MCF2: variants seen among roughly 807,000 people sequenced by gnomAD.
The protein encoded by MCF2 is proto-oncogene DBL.
Under a neutral mutation model 82.5 loss-of-function variants are expected in MCF2, and 44 were observed. The ratio of observed to expected loss-of-function variants is 0.53; its 90% CI spans 0.42 to 0.69. MCF2 has a LOEUF of 0.69. MCF2 is among the 30% of genes least tolerant of loss of function. The pLI, the probability that MCF2 is intolerant of heterozygous loss-of-function variation, is 0.00. For synonymous variants in MCF2, 217 were observed against 224.9 expected, an observed-to-expected ratio of 0.96 and a Z score of 0.32; for missense variants, 623 against 663.1, an observed-to-expected ratio of 0.94 and a Z score of 0.66.
intron 1 of MCF2, among the ~76,000 whole-genome samples, chrX:139,636,215 G>A (rs1933210616): frequency 9.0e-6 from 1 of 110,884 alleles, no homozygotes; most frequent in South Asian, 3.8e-4. Flanking sequence ...CTATTTTTAA[G>A]TGGAAAGCAC....
chrX:139,690,208 A>G (rs1317466350), intron 1 of MCF2, among the ~76,000 whole-genome samples: 1 of 99,880 alleles, frequency 1.0e-5, no homozygotes, highest in Non-Finnish European at 2.0e-5. Context: ...GGAGCCTTCA[A>G]AAGTGTGAAC....
intron 11 of MCF2, among the ~76,000 whole-genome samples, chrX:139,609,299 CTT>C (rs1376151798): frequency 2.7e-5 from 3 of 112,698 alleles, no homozygotes; most frequent in Non-Finnish European, 5.6e-5. Context: ...AATCCCAACA[CTT>C]TGGGAGACCA....
At chrX:139,585,305 A>G (rs1928853304) in intron 23 of MCF2, 127 bp from the exon 28 acceptor site, 3 of 451,293 alleles carry the variant, frequency 6.6e-6, no homozygotes, top group African/African-American at 2.5e-5. Flanking sequence ...ATCTAATGTA[A>G]GCAGCAAATT....
upstream of MCF2, among the ~76,000 whole-genome samples, chrX:139,647,794 T>C (rs1025112153): frequency 8.9e-6 from 1 of 111,875 alleles, no homozygotes; most frequent in Non-Finnish European, 1.9e-5. Flanking sequence ...ATGAGAAATA[T>C]TGAAAACGAA....
At chrX:139,622,289 A>C (rs1480202124) in intron 6 of MCF2, among the ~76,000 whole-genome samples, 1 of 111,828 alleles carries the variant, frequency 8.9e-6, no homozygotes, top group Non-Finnish European at 1.9e-5. Flanking sequence ...GTGGGACTGT[A>C]AACTAGTTCA....
At chrX:139,605,972 T>C (rs1014913922) in intron 12 of MCF2, among the ~76,000 whole-genome samples, 193 bp from the exon 17 acceptor site, 3 of 106,221 alleles carry the variant, frequency 2.8e-5, no homozygotes. Flanking sequence ...TATAGTCTTA[T>C]GGGTGGTTTT....
At chrX:139,590,480 A>T (rs1476854478) in intron 19 of MCF2, among the ~76,000 whole-genome samples, 2 of 108,927 alleles carry the variant, frequency 1.8e-5, no homozygotes, top group Non-Finnish European at 3.8e-5. Context: ...AAAAAAAAAT[A>T]ATAATAATAA....
chrX:139,645,910 G>T (rs1205703731), upstream of MCF2, among the ~76,000 whole-genome samples: 2 of 111,365 alleles, frequency 1.8e-5, no homozygotes, highest in Non-Finnish European at 3.8e-5. Context: ...GTGTAATGAA[G>T]ATAGGTCACT....
chrX:139,644,089 C>G (rs1933709820), upstream of MCF2, among the ~76,000 whole-genome samples: 1 of 112,312 alleles, frequency 8.9e-6, no homozygotes, highest in African/African-American at 3.2e-5. Flanking sequence ...TTTAGCCCCA[C>G]TGATAAGGCT....
At chrX:139,619,778 G>T in intron 6 of MCF2, 72 bp from the exon 10 acceptor site, 2 of 807,986 alleles carry the variant, frequency 2.5e-6, no homozygotes, top group Non-Finnish European at 3.4e-6. Flanking sequence ...TATACAAAAT[G>T]CTTTTAAACA....
chrX:139,653,912 G>C (rs990813526), intron 1 of MCF2, among the ~76,000 whole-genome samples: 2 of 110,601 alleles, frequency 1.8e-5, no homozygotes, highest in Non-Finnish European at 3.8e-5. Flanking sequence ...TTCTGTGTTT[G>C]GCTTACTTCA....
At position 139,674,851 on chromosome X, in the gene MCF2, T is replaced by G. The variant is rs1036707849; in HGVS notation, c.-44-23063A>C. Among the ~76,000 whole-genome samples the G allele has an allele frequency of 3.6e-5, 4 of 112,019 alleles. No homozygotes were observed. In the Admixed American group the frequency reaches 3.8e-4, roughly 11 times the overall value. ...TCTTTGTGGTGTTCTCTGTATTTCC[T>G]GAATTTGAATGTTGGCCTGCCTTGC... On this transcript the variant is annotated intron_variant, in intron 1 of 27. Transcript: ENST00000414978.
At chrX:139,606,450 C>G (rs1395471268) in intron 12 of MCF2, among the ~76,000 whole-genome samples, 1 of 110,580 alleles carries the variant, frequency 9.0e-6, no homozygotes, top group Non-Finnish European at 1.9e-5. Flanking sequence ...CTCCACCTCC[C>G]GGGTTCAAGA....
intron 1 of MCF2, among the ~76,000 whole-genome samples, chrX:139,689,364 C>T (rs1170229119): frequency 8.9e-6 from 1 of 111,880 alleles, no homozygotes; most frequent in Non-Finnish European, 1.9e-5. Flanking sequence ...GTAAGGGCAT[C>T]ATTCCTGGTG....
intron 23 of MCF2, among the ~76,000 whole-genome samples, chrX:139,585,638 A>G (rs1433528618): frequency 8.9e-6 from 1 of 111,849 alleles, no homozygotes; most frequent in African/African-American, 3.2e-5. Flanking sequence ...TTGATCCTAG[A>G]GTTGTTTAGG....
At chrX:139,605,577 A>G (rs1949714728) in intron 13 of MCF2, 136 bp downstream of exon 17, 1 of 473,469 alleles carries the variant, frequency 2.1e-6, no homozygotes, top group African/African-American at 2.5e-5. Context: ...TCAAACAATA[A>G]AAGAAATGCC....
intron 5 of MCF2, 88 bp downstream of exon 8, chrX:139,626,535 T>G: frequency 1.1e-6 from 1 of 917,447 alleles, no homozygotes; most frequent in Non-Finnish European, 1.5e-6. Context: ...CAGGAATACT[T>G]TAACACTTAA....
chrX:139,586,246 G>A (rs974753624), intron 23 of MCF2, 132 bp downstream of exon 27: 8 of 473,024 alleles, frequency 1.7e-5, no homozygotes, highest in Non-Finnish European at 2.6e-5. Flanking sequence ...CAAGACATGA[G>A]AGCCTTATAA....
intron 3 of MCF2, 75 bp from the exon 7 acceptor site, chrX:139,629,919 T>C (rs1453370388): frequency 8.1e-6 from 7 of 861,248 alleles, no homozygotes; most frequent in Middle Eastern, 2.9e-4. Flanking sequence ...AGTAAGTGTA[T>C]TTGTTTTTAT....
Sources: allele counts gnomAD v4.1 joint callset (sites outside exome capture counted in the v4.1 genomes callset), GRCh38; gene constraint gnomAD v4.1.1; transcripts MANE v1.5; gene names NCBI Gene and HGNC (gene_info 2026-07-23, HGNC 2026-07-21).